TAF6L: variants seen among roughly 807,000 people sequenced by gnomAD.
TAF6L encodes the protein TATA-box binding protein associated factor 6 like.
A neutral mutation model predicts 57.3 loss-of-function variants in TAF6L; 34 were observed. The ratio of observed to expected loss-of-function variants is 0.59; its 90% CI spans 0.45 to 0.79. TAF6L has a LOEUF of 0.79. TAF6L is among the 30% of genes least tolerant of loss of function. The pLI, the probability that TAF6L is intolerant of heterozygous loss-of-function variation, is 0.00. For synonymous variants in TAF6L, 417 were observed against 376.3 expected (o/e 1.11, Z -1.25); for missense variants, 782 against 853.2 (o/e 0.92, Z 1.04).
intron 1 of TAF6L, chr11:62,774,757 T>G: frequency 2.5e-6 from 1 of 404,858 alleles, no homozygotes; most frequent in Admixed American, 2.6e-5. Context: ...CTATCCAGCC[T>G]GGCCAACATG....
In TAF6L at chr11:62,778,950, C is replaced by T. The variant is rs780133843; in HGVS notation, c.518C>T (p.Pro173Leu). ...QVTRAVLGDD[P>L]QLMKVALQDL... is the part of the protein sequence containing the mutation. ...ACTCGTGCTGTGCTAGGGGATGATC[C>T]GCAACTGATGAAGGTGAGCGAGTGG... is the stretch of plus-strand genomic sequence containing the variant. Residue 173 changes from proline (P) to leucine (L), a missense_variant, in exon 6 of 11, where the codon CCG becomes CTG. This residue lies in a region of TAF6L where 220 missense variants were observed against 252.1 expected (regional missense o/e 0.87). Transcript: ENST00000294168. 63 of 1,613,854 alleles carry T rather than the reference C, an allele frequency of 3.9e-5. No individual in the cohort carries two copies. The highest frequency in any genetic ancestry group is 1.2e-4 in the Admixed American group (7 of 59,986).
chr11:62,778,423 T>C, intron 5 of TAF6L, 88 bp downstream of exon 5: 1 of 1,488,702 alleles, frequency 6.7e-7, no homozygotes, highest in South Asian at 1.1e-5. Flanking sequence ...CGAGTCTGCG[T>C]CTAACATGTG....
intron 1 of TAF6L, among the ~76,000 whole-genome samples, chr11:62,774,989 G>C (rs965950805): frequency 6.6e-6 from 1 of 151,582 alleles, no homozygotes; most frequent in Non-Finnish European, 1.5e-5. Context: ...ACTTGAACCC[G>C]GGAGGCGGAG....
In TAF6L at chr11:62,787,138, A is replaced by C; in HGVS notation, c.1711A>C (p.Arg571=). Residue 571 remains arginine (R), a synonymous_variant, in exon 11 of 11, where the codon AGG becomes CGG. Coordinates refer to ENST00000294168, the MANE Select transcript of TAF6L (RefSeq NM_006473.4). Reference sequence around the variant, plus strand: ...CATCATAGCCGGGCGGCAGGCTGGGAGGCGCTGCCGCGGGCGCCTTTTCCA... The same window carrying C: ...CATCATAGCCGGGCGGCAGGCTGGGCGGCGCTGCCGCGGGCGCCTTTTCCA... The part of the protein sequence containing the change: ...RFIIAGRQAG[R]RCRGRLFQTA... The C allele has an allele frequency of 1.3e-6, 2 of 1,565,230 alleles. No homozygotes were observed. Among genetic ancestry groups the C allele is most frequent in the African/African-American group, 2.8e-5 (2 of 72,720 alleles).
chr11:62,772,244 GGGCGCGGT>G (rs1294464985), intron 1 of TAF6L: 1 of 412,848 alleles, frequency 2.4e-6, no homozygotes, highest in Non-Finnish European at 4.9e-6. Flanking sequence ...ATTCGTGGCC[GGGCGCGGT>G]GGCTCACGCC....
Position 62,786,335 on chromosome 11 carries a change from G to C in TAF6L, c.1036G>C (p.Val346Leu). The change falls in exon 10 of 11, where the codon GTA (valine) becomes CTA (leucine). Residue 346 changes from valine (V) to leucine (L), a missense_variant. Coordinates refer to ENST00000294168, the MANE Select transcript of TAF6L (RefSeq NM_006473.4). Reference sequence around the variant, plus strand: ...GCAGGCTGTGCTGGATGATTATTCAGTATCTAATGCCCAGGTCAAAGCAGA... The same window carrying C: ...GCAGGCTGTGCTGGATGATTATTCACTATCTAATGCCCAGGTCAAAGCAGA... ...NLQAVLDDYS[V>L]SNAQVKADGH... 6.2e-7 allele frequency: 1 copy of C among 1,614,208 alleles called. No homozygotes were observed. Among genetic ancestry groups the C allele is most frequent in the Non-Finnish European group, 8.5e-7 (1 of 1,180,028 alleles).
At chr11:62,774,535 C>G (rs1423061299) in intron 1 of TAF6L, 7 of 453,644 alleles carry the variant, frequency 1.5e-5, no homozygotes, top group Non-Finnish European at 3.1e-5. Flanking sequence ...GTGGGTCATC[C>G]TGGATCTGGG....
intron 1 of TAF6L, 57 bp from the exon 2 acceptor site, chr11:62,775,714 C>T: frequency 1.3e-6 from 2 of 1,543,874 alleles, no homozygotes; most frequent in Non-Finnish European, 1.7e-6. Flanking sequence ...TTGGATCACA[C>T]TCCTGGGCTC....
In TAF6L at chr11:62,778,283, A is replaced by C. The variant is rs774581047; in HGVS notation, c.386-2A>C. The C allele has an allele frequency of 2.5e-6, 4 of 1,614,184 alleles. No homozygotes were observed. Among genetic ancestry groups the C allele is most frequent in the Non-Finnish European group, 2.5e-6 (3 of 1,180,034 alleles). ...TGACACATCTCTCTGCACTGCTTCT[A>C]GTTCATGTCTCCTACCTGGATGGCA... On this transcript the variant is annotated splice_acceptor_variant, in intron 4 of 10. Coordinates refer to ENST00000294168, the MANE Select transcript of TAF6L (RefSeq NM_006473.4). LOFTEE classifies it high-confidence loss of function.
At chr11:62,771,903 C>T (rs1295827294) in intron 1 of TAF6L, 4 of 316,302 alleles carry the variant, frequency 1.3e-5, no homozygotes, top group African/African-American at 8.7e-5. Flanking sequence ...AGCTTCACAA[C>T]GATCTATTGG....
At chr11:62,782,660 A>G (rs779550309) in intron 8 of TAF6L, 33 bp from the exon 9 acceptor site, 74 of 1,606,554 alleles carry the variant, frequency 4.6e-5, no homozygotes, top group Non-Finnish European at 6.2e-5. Flanking sequence ...ACCATGCCTC[A>G]TTCCCCTCCC....
At position 62,786,739 on chromosome 11, in the gene TAF6L, G is replaced by A; in HGVS notation, c.1312G>A (p.Ala438Thr). Reference sequence around the variant, plus strand: ...GGACCCTTCTCTTTCGGTGACCCTGGCCGACATCTACCGGGAGCTCTACGC... The same window carrying A: ...GGACCCTTCTCTTTCGGTGACCCTGACCGACATCTACCGGGAGCTCTACGC... ...PEDPSLSVTL[A>T]DIYRELYAFF... Residue 438 changes from alanine (A) to threonine (T), a missense_variant, in exon 11 of 11, where the codon GCC (alanine) becomes ACC (threonine). Physicochemically the swap from Ala to Thr is moderately conservative, Grantham distance 58 (BLOSUM62 0). Transcript: ENST00000294168. 1 of 1,613,162 alleles carries A rather than the reference G, an allele frequency of 6.2e-7. No individual in the cohort carries two copies. The highest frequency in any genetic ancestry group is 8.5e-7 in the Non-Finnish European group (1 of 1,179,872).
rs890020015 is a variant in TAF6L at position 62,776,541 on chromosome 11, G to A, written c.234+71G>A. 51 of 1,486,992 alleles carry A rather than the reference G, an allele frequency of 3.4e-5. No individual in the cohort carries two copies. In the East Asian group the frequency reaches 4.1e-4, roughly 12 times the overall value. 92.1% of individuals were successfully genotyped at this position (1,486,992 alleles called of 1,614,324 possible). A position where few individuals can be genotyped will look rare whatever the true frequency, so the allele number is the denominator to read the frequency against. On this transcript the variant is annotated intron_variant, in intron 3 of 10. Coordinates refer to ENST00000294168, the MANE Select transcript of TAF6L (RefSeq NM_006473.4). ...CTTCCATGTCCAGTTCAGGGCTGGCGATGTGGTGAGACATTAAGACCAAAC... is the reference window on the plus strand; with the variant it reads ...CTTCCATGTCCAGTTCAGGGCTGGCAATGTGGTGAGACATTAAGACCAAAC...
intron 1 of TAF6L, among the ~76,000 whole-genome samples, chr11:62,773,724 A>G (rs1306393775): frequency 2.0e-5 from 3 of 152,190 alleles, no homozygotes; most frequent in African/African-American, 7.2e-5. Flanking sequence ...CTGGGATTAG[A>G]GGCGTGAGCC....
At chr11:62,779,988 T>C (rs1257679917) in intron 6 of TAF6L, among the ~76,000 whole-genome samples, 1 of 132,570 alleles carries the variant, frequency 7.5e-6, no homozygotes, top group Non-Finnish European at 1.6e-5. Flanking sequence ...TTTTTTTTTT[T>C]TTTTTTTTAG....
intron 6 of TAF6L, among the ~76,000 whole-genome samples, chr11:62,779,622 G>T (rs551220195): frequency 6.7e-6 from 1 of 149,278 alleles, no homozygotes; most frequent in Admixed American, 6.7e-5. Context: ...CACTGTGCCC[G>T]GCCTAATTCT....
In TAF6L at chr11:62,787,312, G is replaced by C. The variant is rs545500275; in HGVS notation, c.*16G>C. On this transcript the variant is annotated 3_prime_UTR_variant, in exon 11 of 11. Coordinates refer to ENST00000294168, the MANE Select transcript of TAF6L (RefSeq NM_006473.4). ...GCCGCTCTGAGTCAGTGGCCCCTTC[G>C]TTCCTTGTAAATAAATCCCGCCCCC... The C allele has an allele frequency of 1.0e-5, 16 of 1,528,734 alleles. No homozygotes were observed. The highest frequency in any genetic ancestry group is 4.2e-5 in the African/African-American group (3 of 71,484). 94.7% of individuals were successfully genotyped at this position (1,528,734 alleles called of 1,614,324 possible).
At chr11:62,775,102 A>T (rs1382595655) in intron 1 of TAF6L, among the ~76,000 whole-genome samples, 4 of 152,000 alleles carry the variant, frequency 2.6e-5, no homozygotes, top group Non-Finnish European at 5.9e-5. Context: ...GTAATGTATA[A>T]AGGAAAGAGG....
rs1228433307 is a variant in TAF6L, at chr11:62,778,972, G to T, written c.531+9G>T. 1 of 1,610,920 alleles carries T rather than the reference G, an allele frequency of 6.2e-7. No individual in the cohort carries two copies. ...ATCCGCAACTGATGAAGGTGAGCGA[G>T]TGGGCCCAAGTTGGGGCACAAAGTT... On this transcript the variant is annotated intron_variant, in intron 6 of 10. Coordinates refer to ENST00000294168, the MANE Select transcript of TAF6L (RefSeq NM_006473.4).
Sources: allele counts gnomAD v4.1 joint callset (sites outside exome capture counted in the v4.1 genomes callset), GRCh38; gene constraint gnomAD v4.1.1; regional missense constraint gnomAD v4.1.1; transcripts MANE v1.5; gene names NCBI Gene and HGNC (gene_info 2026-07-23, HGNC 2026-07-21).